The following KCNJ3 variants were observed in gnomAD, a reference collection of about 807,000 sequenced individuals.
KCNJ3 encodes the protein potassium inwardly rectifying channel subfamily J member 3.
A neutral mutation model predicts 39.2 loss-of-function variants in KCNJ3; 4 were observed. The ratio of observed to expected loss-of-function variants is 0.10; its 90% CI spans 0.05 to 0.23. KCNJ3 has a LOEUF of 0.23. Among genes scored for constraint, KCNJ3 ranks in the 10% least tolerant of loss-of-function variants. The pLI, the probability that KCNJ3 is intolerant of heterozygous loss-of-function variation, is 1.00. For missense variants in KCNJ3, 276 were observed against 634.9 expected (o/e 0.43, Z 6.08); for synonymous variants, 230 against 237.4 (o/e 0.97, Z 0.29).
intron 2 of KCNJ3, among the ~76,000 whole-genome samples, chr2:154,805,379 A>G (rs1374938085): frequency 6.6e-6 from 1 of 152,182 alleles, no homozygotes; most frequent in East Asian, 1.9e-4. Context: ...GAAATGAAGG[A>G]GAAATCTTGT....
At chr2:154,725,907 A>G (rs1685347487) in intron 2 of KCNJ3, among the ~76,000 whole-genome samples, 1 of 151,984 alleles carries the variant, frequency 6.6e-6, no homozygotes, top group South Asian at 2.1e-4. Flanking sequence ...GGCAAGCCAC[A>G]TGTAGAAGAA....
At chr2:154,781,640 GC>G (rs1267770342) in intron 2 of KCNJ3, among the ~76,000 whole-genome samples, 5 of 152,070 alleles carry the variant, frequency 3.3e-5, no homozygotes, top group African/African-American at 1.2e-4. Flanking sequence ...CAAGATCTTG[GC>G]TTTTGATTGG....
At chr2:154,726,090 A>T (rs1216071592) in intron 2 of KCNJ3, among the ~76,000 whole-genome samples, 1 of 152,302 alleles carries the variant, frequency 6.6e-6, no homozygotes, top group East Asian at 1.9e-4. Flanking sequence ...CAAATGCAGC[A>T]AAAACAAAGA....
intron 2 of KCNJ3, among the ~76,000 whole-genome samples, chr2:154,769,421 C>G (rs994213414): frequency 5.3e-5 from 8 of 152,070 alleles, no homozygotes; most frequent in African/African-American, 1.9e-4. Flanking sequence ...TTTTGAAGGC[C>G]TTTTCTGCAT....
intron 2 of KCNJ3, among the ~76,000 whole-genome samples, chr2:154,768,506 G>T (rs1471903385): frequency 1.3e-5 from 2 of 152,126 alleles, no homozygotes; most frequent in African/African-American, 2.4e-5. Flanking sequence ...TAGATGTGTG[G>T]TGTTATTTCT....
chr2:154,766,017 AAAGAATG>A (rs1411890097), intron 2 of KCNJ3, among the ~76,000 whole-genome samples: 1 of 152,248 alleles, frequency 6.6e-6, no homozygotes, highest in Non-Finnish European at 1.5e-5. Context: ...CGTGGTTACT[AAAGAATG>A]AAATGAAATG....
chr2:154,755,742 G>T (rs1685926142), intron 2 of KCNJ3, among the ~76,000 whole-genome samples: 1 of 151,720 alleles, frequency 6.6e-6, no homozygotes, highest in Non-Finnish European at 1.5e-5. Context: ...TTTTAAGTTT[G>T]CTTAGAAATG....
chr2:154,706,145 C>T (rs927043610), intron 1 of KCNJ3, among the ~76,000 whole-genome samples: 5 of 151,984 alleles, frequency 3.3e-5, no homozygotes, highest in African/African-American at 9.7e-5. Context: ...TAACTTTTAG[C>T]GATCGCTTTG....
chr2:154,787,650 C>A (rs963000138), intron 2 of KCNJ3, among the ~76,000 whole-genome samples: 1 of 152,098 alleles, frequency 6.6e-6, no homozygotes, highest in Non-Finnish European at 1.5e-5. Flanking sequence ...AGCCATATCT[C>A]GGTGGAGTTA....
At chr2:154,789,827 T>C (rs958549212) in intron 2 of KCNJ3, among the ~76,000 whole-genome samples, 2 of 151,938 alleles carry the variant, frequency 1.3e-5, no homozygotes, top group African/African-American at 4.8e-5. Flanking sequence ...CTAGAGATAA[T>C]CAAGAGTTCA....
In KCNJ3 at chr2:154,745,746, G is replaced by C. The variant is rs138982360; in HGVS notation, c.919+35927G>C. Among the ~76,000 whole-genome samples the C allele has an allele frequency of 5.9e-5, 9 of 152,026 alleles. No homozygotes were observed. The East Asian group carries it at 1.7e-3, about 29-fold the overall frequency. ...TTCTTGGAATAACTAGAGATTTTCA[G>C]TTGAAACCTGGACATTAATTGAAAC... On this transcript the variant is annotated intron_variant, in intron 2 of 2. Transcript: ENST00000295101.
chr2:154,739,316 T>G (rs10804153), intron 2 of KCNJ3, among the ~76,000 whole-genome samples: 145,840 of 152,110 alleles, frequency 0.96, 69,985 homozygotes, highest in East Asian at 1. Context: ...TTTCACTTTG[T>G]ACAGAGCACA....
intron 1 of KCNJ3, among the ~76,000 whole-genome samples, chr2:154,703,348 C>T (rs929755654): frequency 6.6e-6 from 1 of 152,048 alleles, no homozygotes; most frequent in African/African-American, 2.4e-5. Context: ...TAGGCATCCT[C>T]TTTCTTTCCT....
chr2:154,799,289 G>A (rs955823705), intron 2 of KCNJ3, among the ~76,000 whole-genome samples: 3 of 152,010 alleles, frequency 2.0e-5, no homozygotes, highest in Admixed American at 6.6e-5. Context: ...ATAGGTGTGC[G>A]CCACCACGCC....
intron 2 of KCNJ3, among the ~76,000 whole-genome samples, chr2:154,781,732 T>G (rs1044616350): frequency 6.6e-6 from 1 of 152,220 alleles, no homozygotes; most frequent in African/African-American, 2.4e-5. Flanking sequence ...ACTTTTTACT[T>G]GCCCGAACCA....
chr2:154,797,518 G>A (rs573001353), intron 2 of KCNJ3, among the ~76,000 whole-genome samples: 2 of 152,154 alleles, frequency 1.3e-5, no homozygotes, highest in South Asian at 4.1e-4. Context: ...GTTATGCATA[G>A]AAGCAAACAC....
At chr2:154,833,447 T>G (rs913122236) in intron 2 of KCNJ3, among the ~76,000 whole-genome samples, 4 of 152,128 alleles carry the variant, frequency 2.6e-5, no homozygotes, top group Admixed American at 2.6e-4. Context: ...TCCATGCATG[T>G]TCCCCCCAGC....
At chr2:154,821,457 G>T (rs975915771) in intron 2 of KCNJ3, among the ~76,000 whole-genome samples, 10 of 151,992 alleles carry the variant, frequency 6.6e-5, no homozygotes, top group Admixed American at 5.2e-4. Context: ...TCCCTTCAAA[G>T]CCAAGCTATC....
At chr2:154,721,624 G>C (rs1413300437) in intron 2 of KCNJ3, among the ~76,000 whole-genome samples, 1 of 152,040 alleles carries the variant, frequency 6.6e-6, no homozygotes, top group Non-Finnish European at 1.5e-5. Flanking sequence ...GTGGAAGCCA[G>C]AATATTATTG....
Sources: allele counts gnomAD v4.1 joint callset (sites outside exome capture counted in the v4.1 genomes callset), GRCh38; gene constraint gnomAD v4.1.1; transcripts MANE v1.5; gene names NCBI Gene and HGNC (gene_info 2026-07-23, HGNC 2026-07-21).